The following SDK1 variants were observed in gnomAD, a reference collection of about 807,000 sequenced individuals.
SDK1 encodes sidekick cell adhesion molecule 1.
SDK1 carries 157 observed loss-of-function variants against 245.5 expected under a neutral mutation model. The observed-to-expected ratio is 0.64, with a 90% confidence interval of 0.56 to 0.73. The LOEUF is 0.73. Among genes scored for constraint, SDK1 ranks in the 30% least tolerant of loss-of-function variants. The pLI, the probability that SDK1 is intolerant of heterozygous loss-of-function variation, is 0.00. For missense variants in SDK1, 3,583 were observed against 3,002.3 expected, an observed-to-expected ratio of 1.19 and a Z score of -4.52; for synonymous variants, 1,647 against 1,278.5, an observed-to-expected ratio of 1.29 and a Z score of -6.15.
intron 1 of SDK1, among the ~76,000 whole-genome samples, chr7:3,443,197 AAACTT>A (rs1191905016): frequency 6.6e-6 from 1 of 152,204 alleles, no homozygotes; most frequent in African/African-American, 2.4e-5. Flanking sequence ...ATTAACAAAA[AAACTT>A]AACCTTGTGG....
intron 4 of SDK1, among the ~76,000 whole-genome samples, chr7:3,678,484 T>G (rs919544984): frequency 1.3e-5 from 2 of 152,228 alleles, no homozygotes; most frequent in African/African-American, 4.8e-5. Flanking sequence ...GGACGAACTT[T>G]GAAAACTAAT....
rs2128245875 is a variant in SDK1, at chr7:4,265,384, A to G, written c.6642A>G (p.Ter2214TrpextTer21). 3 of 1,430,164 alleles carry G rather than the reference A, an allele frequency of 2.1e-6. No individual in the cohort carries two copies. Among genetic ancestry groups the G allele is most frequent in the Non-Finnish European group, 2.7e-6 (3 of 1,103,168 alleles). The allele number at this position is 1,430,164 out of a possible 1,614,324, so 88.6% of individuals were successfully genotyped here. ...TPLTGFSSFV[*>W] is the part of the protein sequence containing the mutation. ...TCACCGGCTTCTCCTCCTTCGTGTG[A>G]GCAAAGCGCCGCGCCTCCCTCAGGG... The change falls in exon 45 of 45, where the codon TGA (stop) becomes TGG (tryptophan). Residue 2214 changes from the stop codon to tryptophan (W), a stop_lost. Coordinates refer to ENST00000404826, the MANE Select transcript of SDK1 (RefSeq NM_152744.4).
chr7:3,864,126 T>C, intron 5 of SDK1, among the ~76,000 whole-genome samples: 1 of 152,238 alleles, frequency 6.6e-6, no homozygotes. Context: ...TTTGTTTTCA[T>C]AATAAACATT....
In SDK1 at chr7:3,322,510, G is replaced by C. The variant is rs116306440; in HGVS notation, c.298+20626G>C. 8.9e-3 allele frequency among the ~76,000 whole-genome samples: 1,347 copies of C among 152,144 alleles called. 18 individuals carry two copies. Among genetic ancestry groups the C allele is most frequent in the African/African-American group, 0.031 (1,278 of 41,458 alleles). ...ATATGCCTAGAAGTTGCATTACTGG[G>C]TCATATGGCAATCCTGTGTTTCACT... On this transcript the variant is annotated intron_variant, in intron 1 of 44. Coordinates refer to ENST00000404826, the MANE Select transcript of SDK1 (RefSeq NM_152744.4).
chr7:3,321,302 G>A (rs1176529668), intron 1 of SDK1, among the ~76,000 whole-genome samples: 1 of 152,166 alleles, frequency 6.6e-6, no homozygotes, highest in Non-Finnish European at 1.5e-5. Context: ...CTTAATTTGA[G>A]TTGATTTCTT....
rs895576738 is a variant in SDK1 at position 3,615,860 on chromosome 7, T to C, written c.299-3220T>C. 2.8e-5 allele frequency among the ~76,000 whole-genome samples: 4 copies of C among 143,148 alleles called. 1 individual carries two copies. Among genetic ancestry groups the C allele is most frequent in the Non-Finnish European group, 6.4e-5 (4 of 62,942 alleles). 93.9% of individuals were successfully genotyped at this position (143,148 alleles called of 152,430 possible). On this transcript the variant is annotated intron_variant, in intron 1 of 44. Coordinates refer to ENST00000404826, the MANE Select transcript of SDK1 (RefSeq NM_152744.4). The stretch of plus-strand genomic sequence containing the variant: ...TTTAACAACACAATCACACAACCTC[T>C]TCAAAGGCTTTTTGCTGTCTTTTTT...
intron 32 of SDK1, among the ~76,000 whole-genome samples, chr7:4,171,681 A>G (rs1315683570): frequency 6.6e-6 from 1 of 152,168 alleles, no homozygotes; most frequent in Non-Finnish European, 1.5e-5. Flanking sequence ...TAAAGAGAGA[A>G]AAGGAAAAGC....
intron 4 of SDK1, among the ~76,000 whole-genome samples, chr7:3,676,620 T>C (rs1783912643): frequency 6.6e-6 from 1 of 152,206 alleles, no homozygotes; most frequent in South Asian, 2.1e-4. Flanking sequence ...CCACCACGCC[T>C]TGCCCTCTTC....
intron 1 of SDK1, among the ~76,000 whole-genome samples, chr7:3,541,379 C>T (rs531297311): frequency 9.8e-5 from 15 of 152,322 alleles, no homozygotes; most frequent in African/African-American, 3.6e-4. Flanking sequence ...GTAATCTAAG[C>T]CATACGCTGG....
At chr7:3,833,878 C>G (rs1370670175) in intron 5 of SDK1, among the ~76,000 whole-genome samples, 1 of 152,128 alleles carries the variant, frequency 6.6e-6, no homozygotes, top group Non-Finnish European at 1.5e-5. Flanking sequence ...CATTAGATGA[C>G]CTGGATCCTA....
At chr7:3,723,683 C>CGTGTGTGT (rs1778896443) in intron 4 of SDK1, among the ~76,000 whole-genome samples, 1 of 134,332 alleles carries the variant, frequency 7.4e-6, no homozygotes, top group African/African-American at 3.2e-5. Flanking sequence ...TGTGTGTATA[C>CGTGTGTGT]GTGTATATAC....
chr7:3,600,814 C>T (rs1781232037), intron 1 of SDK1, among the ~76,000 whole-genome samples: 1 of 152,078 alleles, frequency 6.6e-6, no homozygotes, highest in Middle Eastern at 3.2e-3. Context: ...TCCCAAAGTG[C>T]TGGAATTACA....
At chr7:3,935,561 C>G (rs1181058823) in intron 5 of SDK1, among the ~76,000 whole-genome samples, 1 of 151,956 alleles carries the variant, frequency 6.6e-6, no homozygotes, top group African/African-American at 2.4e-5. Flanking sequence ...TAAAAATGGG[C>G]AAAGAACTGG....
chr7:3,834,458 T>G (rs191888242), intron 5 of SDK1, among the ~76,000 whole-genome samples: 107 of 152,328 alleles, frequency 7.0e-4, no homozygotes, highest in African/African-American at 2.3e-3. Context: ...CGATGAATTC[T>G]GCTTCCGATG....
chr7:4,225,584 A>T (rs1029076678), intron 40 of SDK1, among the ~76,000 whole-genome samples: 1 of 152,178 alleles, frequency 6.6e-6, no homozygotes, highest in Non-Finnish European at 1.5e-5. Flanking sequence ...CGCCGGCTGC[A>T]CGAAGGGAAC....
chr7:3,506,718 C>T (rs1163738237), intron 1 of SDK1, among the ~76,000 whole-genome samples: 1 of 152,056 alleles, frequency 6.6e-6, no homozygotes, highest in South Asian at 2.1e-4. Context: ...CTTTTCTTCT[C>T]CTATATTTAT....
chr7:4,020,703 T>C (rs1786819094), intron 17 of SDK1, among the ~76,000 whole-genome samples: 1 of 152,218 alleles, frequency 6.6e-6, no homozygotes, highest in Non-Finnish European at 1.5e-5. Context: ...CACATCTTTC[T>C]GGATATGTGA....
intron 19 of SDK1, among the ~76,000 whole-genome samples, chr7:4,061,969 C>G (rs1779571472): frequency 8.8e-6 from 1 of 114,088 alleles, no homozygotes; most frequent in Non-Finnish European, 1.6e-5. Context: ...ACATCACACT[C>G]TGGGGACTGT....
At chr7:3,420,407 CA>C (rs1201867301) in intron 1 of SDK1, among the ~76,000 whole-genome samples, 1 of 152,142 alleles carries the variant, frequency 6.6e-6, no homozygotes. Context: ...CCTTTCTCAC[CA>C]ATTTTTCTTT....
Sources: allele counts gnomAD v4.1 joint callset (sites outside exome capture counted in the v4.1 genomes callset), GRCh38; gene constraint gnomAD v4.1.1; transcripts MANE v1.5; gene names NCBI Gene and HGNC (gene_info 2026-07-23, HGNC 2026-07-21).